Variants in RHEX observed in about 807,000 individuals in gnomAD.
The protein encoded by RHEX is regulator of hemoglobinization and erythroid cell expansion, also known as regulator of hemoglobinization and erythroid cell expansion protein.
Under a neutral mutation model 20.1 loss-of-function variants are expected in RHEX, and 18 were observed. The ratio of observed to expected loss-of-function variants is 0.90; its 90% CI spans 0.62 to 1.33. The LOEUF (loss-of-function observed/expected upper bound fraction) is 1.33, where lower values mean the gene tolerates loss of function less well. Ranked by LOEUF, RHEX falls within the 40% of genes most tolerant of loss-of-function variation. RHEX has a pLI of 0.00. For synonymous variants in RHEX, 87 were observed against 77.1 expected, an observed-to-expected ratio of 1.13 and a Z score of -0.67; for missense variants, 192 against 214.3, an observed-to-expected ratio of 0.90 and a Z score of 0.65.
At chr1:206,059,809 A>G (rs2102304731) in intron 1 of RHEX, among the ~76,000 whole-genome samples, 1 of 152,262 alleles carries the variant, frequency 6.6e-6, no homozygotes, top group African/African-American at 2.4e-5. Flanking sequence ...CCCTCGAGGC[A>G]GGAGAAATTC....
chr1:206,065,834 G>A (rs1217050111), intron 1 of RHEX, among the ~76,000 whole-genome samples: 1 of 152,224 alleles, frequency 6.6e-6, no homozygotes, highest in Admixed American at 6.5e-5. Context: ...GATAGGGTGG[G>A]GAGAGTGGGA....
intron 1 of RHEX, among the ~76,000 whole-genome samples, chr1:206,072,440 G>C (rs1463886001): frequency 3.9e-5 from 6 of 152,140 alleles, no homozygotes; most frequent in African/African-American, 1.4e-4. Flanking sequence ...GCCAGGCATA[G>C]TGGTAAGAGC....
intron 1 of RHEX, among the ~76,000 whole-genome samples, chr1:206,076,483 C>T (rs1435080317): frequency 6.6e-6 from 1 of 152,186 alleles, no homozygotes; most frequent in Non-Finnish European, 1.5e-5. Context: ...ATCTTTTATG[C>T]TTGGTTTCAT....
chr1:206,071,608 A>G (rs1439179643), intron 1 of RHEX, among the ~76,000 whole-genome samples: 3 of 149,824 alleles, frequency 2.0e-5, no homozygotes, highest in Non-Finnish European at 4.4e-5. Context: ...GCGCTTTGGG[A>G]GGGCAAGGTG....
At chr1:206,078,372 G>T (rs1248038713) in intron 1 of RHEX, among the ~76,000 whole-genome samples, 1 of 151,904 alleles carries the variant, frequency 6.6e-6, no homozygotes, top group Non-Finnish European at 1.5e-5. Flanking sequence ...AGACCTCGTA[G>T]CTACAAAACA....
At chr1:206,063,790 T>C (rs1382225391) in intron 1 of RHEX, among the ~76,000 whole-genome samples, 7 of 152,160 alleles carry the variant, frequency 4.6e-5, no homozygotes, top group South Asian at 2.1e-4. Flanking sequence ...AGTGCCGAGA[T>C]TGCAGCCTCT....
chr1:206,063,738 G>A (rs1553283704), intron 1 of RHEX, among the ~76,000 whole-genome samples: 1 of 152,202 alleles, frequency 6.6e-6, no homozygotes, highest in East Asian at 1.9e-4. Flanking sequence ...ATCTCGGCTG[G>A]CTACAACCTC....
At chr1:206,057,553 G>A (rs1391214993) in intron 1 of RHEX, among the ~76,000 whole-genome samples, 1 of 152,268 alleles carries the variant, frequency 6.6e-6, no homozygotes, top group Non-Finnish European at 1.5e-5. Context: ...GGCCCACCCA[G>A]AATTGCACTG....
At chr1:206,098,323 G>A (rs1296995576) in intron 3 of RHEX, 142 bp downstream of exon 3, 14 of 623,848 alleles carry the variant, frequency 2.2e-5, no homozygotes, top group East Asian at 2.8e-5. Context: ...CCTTCCCACC[G>A]CTCCCCCTCC....
intron 1 of RHEX, chr1:206,083,509 T>C (rs1662777937): frequency 1.0e-6 from 1 of 985,324 alleles, no homozygotes; most frequent in African/African-American, 1.7e-5. Context: ...TCCCGCCTTG[T>C]TGGAAATGTT....
chr1:206,058,803 G>T (rs1025987445), intron 1 of RHEX, among the ~76,000 whole-genome samples: 1 of 152,062 alleles, frequency 6.6e-6, no homozygotes, highest in Non-Finnish European at 1.5e-5. Context: ...TTGTGCATTC[G>T]GGGAGCTCGG....
chr1:206,083,195 TCCCTTTAGGGA>T (rs1455259595), intron 1 of RHEX, among the ~76,000 whole-genome samples: 3 of 152,144 alleles, frequency 2.0e-5, no homozygotes, highest in Admixed American at 1.3e-4. Context: ...AGAACATGAG[TCCCTTTAGGGA>T]AAAACAAATT....
intron 1 of RHEX, among the ~76,000 whole-genome samples, chr1:206,090,246 C>T (rs1237029341): frequency 1.4e-5 from 2 of 147,184 alleles, no homozygotes; most frequent in African/African-American, 5.0e-5. Context: ...TCACTCTATC[C>T]CCCAGTCTGG....
intron 1 of RHEX, among the ~76,000 whole-genome samples, chr1:206,087,641 T>C (rs910701079): frequency 1.3e-5 from 2 of 152,238 alleles, no homozygotes; most frequent in African/African-American, 4.8e-5. Context: ...ATTTGATTGA[T>C]TGAAATTCAG....
rs1208211048 is a variant in RHEX, at chr1:206,067,936, G to A, written c.-97+14671G>A. On this transcript the variant is annotated intron_variant, in intron 1 of 5. Coordinates refer to ENST00000331555, the MANE Select transcript of RHEX (RefSeq NM_001007544.4). The surrounding 1 kb of genome is among the most constrained non-coding windows in gnomAD (Gnocchi z 4.6). ...GCTACTTCTGTCTTCTAAGGAGGGT[G>A]GAATGGTTCACATCGATAAGAAAAT... 6.6e-6 allele frequency among the ~76,000 whole-genome samples: 1 copy of A among 152,202 alleles called. No individual in the cohort carries two copies. Among genetic ancestry groups the A allele is most frequent in the Non-Finnish European group, 1.5e-5 (1 of 68,048 alleles).
chr1:206,063,828 G>A (rs1662355840), intron 1 of RHEX, among the ~76,000 whole-genome samples: 1 of 152,028 alleles, frequency 6.6e-6, no homozygotes. Flanking sequence ...TCTGGGAAGT[G>A]AGGAGCGTCT....
intron 1 of RHEX, among the ~76,000 whole-genome samples, chr1:206,075,817 G>GT (rs1662625471): frequency 6.6e-6 from 1 of 152,032 alleles, no homozygotes; most frequent in Non-Finnish European, 1.5e-5. Flanking sequence ...GGCTAGGCTG[G>GT]TTTTGAACTC....
intron 1 of RHEX, among the ~76,000 whole-genome samples, chr1:206,057,886 G>C (rs1261915853): frequency 5.3e-5 from 8 of 152,262 alleles, no homozygotes; most frequent in Non-Finnish European, 1.0e-4. Flanking sequence ...ATGGTTACAA[G>C]CTGTTTTAGA....
At chr1:206,053,909 T>C (rs1436668243) in intron 1 of RHEX, among the ~76,000 whole-genome samples, 1 of 152,242 alleles carries the variant, frequency 6.6e-6, no homozygotes, top group Non-Finnish European at 1.5e-5. Flanking sequence ...AAAGGCCATC[T>C]ATACCAATTC....
Sources: gnomAD v4.1 joint callset for allele counts (sites outside exome capture counted in the v4.1 genomes callset) on GRCh38, gnomAD v4.1.1 for gene constraint, Gnocchi (gnomAD v3.1) non-coding constraint, MANE v1.5 for transcripts, NCBI Gene and HGNC (gene_info 2026-07-23, HGNC 2026-07-21) for gene names.